Variants in EFCAB11 observed in about 807,000 individuals in gnomAD.
EFCAB11 encodes EF-hand calcium-binding domain-containing protein 11.
A neutral mutation model predicts 23.0 loss-of-function variants in EFCAB11; 14 were observed. That is an observed-to-expected ratio of 0.61 (90% CI 0.40 to 0.95). EFCAB11 has a LOEUF of 0.95. Among genes scored for constraint, EFCAB11 ranks in the 40% least tolerant of loss-of-function variants. EFCAB11 has a pLI of 0.00. For synonymous variants in EFCAB11, 65 were observed against 66.6 expected, an observed-to-expected ratio of 0.98 and a Z score of 0.11; for missense variants, 198 against 195.8, an observed-to-expected ratio of 1.01 and a Z score of -0.07.
intron 5 of EFCAB11, chr14:89,831,159 G>C (rs939705853): frequency 2.0e-5 from 3 of 152,424 alleles, no homozygotes; most frequent in African/African-American, 7.2e-5. Context: ...GAGATTTGTT[G>C]ACAGCTTGGA....
chr14:89,819,693 T>C (rs1886446959), intron 5 of EFCAB11, among the ~76,000 whole-genome samples: 1 of 152,160 alleles, frequency 6.6e-6, no homozygotes, highest in Non-Finnish European at 1.5e-5. Context: ...TGCCTTGATC[T>C]CCCAAAGTGC....
chr14:89,838,090 T>A (rs1035844142), intron 5 of EFCAB11, among the ~76,000 whole-genome samples: 1 of 152,150 alleles, frequency 6.6e-6, no homozygotes, highest in African/African-American at 2.4e-5. Flanking sequence ...AGAACCTTTA[T>A]AGGGCAAATC....
chr14:89,926,577 T>C (rs1398566722), intron 5 of EFCAB11, among the ~76,000 whole-genome samples: 2 of 151,984 alleles, frequency 1.3e-5, no homozygotes, highest in African/African-American at 2.4e-5. Flanking sequence ...CAAAGGAGAA[T>C]AGATATTGTT....
chr14:89,888,375 C>T (rs971651862), intron 5 of EFCAB11, among the ~76,000 whole-genome samples: 1 of 152,160 alleles, frequency 6.6e-6, no homozygotes, highest in African/African-American at 2.4e-5. Flanking sequence ...GTTTAGATGG[C>T]TTATGGTTCT....
intron 5 of EFCAB11, chr14:89,931,332 C>T: frequency 1.9e-6 from 1 of 528,716 alleles, no homozygotes; most frequent in Non-Finnish European, 3.3e-6. Context: ...TGTGCAAGCG[C>T]TCCCCCAACT....
chr14:89,897,777 C>A (rs1889213643), intron 5 of EFCAB11, among the ~76,000 whole-genome samples: 1 of 152,058 alleles, frequency 6.6e-6, no homozygotes, highest in African/African-American at 2.4e-5. Context: ...AGTATTACAC[C>A]ATAGTTTTAA....
At chr14:89,863,104 A>G (rs923491686) in intron 5 of EFCAB11, among the ~76,000 whole-genome samples, 2 of 151,948 alleles carry the variant, frequency 1.3e-5, no homozygotes, top group African/African-American at 4.8e-5. Context: ...TCACAGACTT[A>G]GTAGAAAAAA....
intron 5 of EFCAB11, among the ~76,000 whole-genome samples, chr14:89,919,554 A>G (rs1889959015): frequency 6.6e-6 from 1 of 152,206 alleles, no homozygotes; most frequent in East Asian, 1.9e-4. Context: ...TCCAGGATTC[A>G]TGTCTAGCCA....
intron 5 of EFCAB11, among the ~76,000 whole-genome samples, chr14:89,840,160 C>T (rs1887212546): frequency 6.6e-6 from 1 of 152,138 alleles, no homozygotes; most frequent in South Asian, 2.1e-4. Context: ...TCAAGTTTCT[C>T]AATATGAGAA....
At position 89,873,923 on chromosome 14, in the gene EFCAB11, T is replaced by C. The variant is rs573255249; in HGVS notation, c.410+57618A>G. On this transcript the variant is annotated intron_variant, in intron 5 of 5. Transcript: ENST00000316738. ...CAAGCTGTCAGTTGGTCTATCATTC[T>C]GGGGTCTGGAGGATGGTGGCCCTCT... 2.0e-4 allele frequency among the ~76,000 whole-genome samples: 30 copies of C among 152,346 alleles called. No homozygotes were observed. In the East Asian group the frequency reaches 5.8e-3, roughly 29 times the overall value.
intron 2 of EFCAB11, among the ~76,000 whole-genome samples, chr14:89,950,558 A>G (rs1891133013): frequency 6.6e-6 from 1 of 152,194 alleles, no homozygotes; most frequent in Admixed American, 6.5e-5. Flanking sequence ...AGAAAGCATG[A>G]AAAATACAAA....
chr14:89,954,610 G>T lies in EFCAB11; in HGVS notation c.51C>A (p.Pro17=). The change falls in exon 1 of 6, where the codon CCC becomes CCA. Residue 17 remains proline, a synonymous_variant. Transcript: ENST00000316738. ...RARSRTWEAS[P]SEHRKWVEVF... ...CTTCCACCCACTTCCTGTGTTCCGA[G>T]GGACTGGCTTCCCACGTCCGCGACC... 2 of 1,613,830 alleles carry T rather than the reference G, an allele frequency of 1.2e-6. No homozygotes were observed.
At chr14:89,815,645 C>G (rs567134852) in intron 5 of EFCAB11, among the ~76,000 whole-genome samples, 2 of 151,986 alleles carry the variant, frequency 1.3e-5, no homozygotes, top group African/African-American at 4.8e-5. Flanking sequence ...AGGATGGTCT[C>G]GAACTCCTGA....
chr14:89,836,788 G>A, intron 5 of EFCAB11: 1 of 406,612 alleles, frequency 2.5e-6, no homozygotes, highest in East Asian at 7.1e-5. Flanking sequence ...GGAGGCTGAG[G>A]TGGGCAGATC....
chr14:89,863,510 T>C (rs1453368580), intron 5 of EFCAB11, among the ~76,000 whole-genome samples: 1 of 152,228 alleles, frequency 6.6e-6, no homozygotes, highest in Admixed American at 6.5e-5. Context: ...CTCCCCCTTT[T>C]CTAAACTCAT....
intron 5 of EFCAB11, among the ~76,000 whole-genome samples, chr14:89,918,676 G>A (rs1166824263): frequency 1.3e-5 from 2 of 152,098 alleles, no homozygotes; most frequent in Non-Finnish European, 2.9e-5. Flanking sequence ...AAGCACAGTA[G>A]TGGGAAAGGT....
In EFCAB11 at chr14:89,795,541, C is replaced by T. The variant is rs1885549633; in HGVS notation, c.*1702G>A. ...AATTAGCCGGGTGTGGCGGTACACA[C>T]CTGTAAACCCAGATACTCAGGAGGC... On this transcript the variant is annotated 3_prime_UTR_variant, in exon 6 of 6. Coordinates refer to ENST00000316738, the MANE Select transcript of EFCAB11 (RefSeq NM_145231.4). 6.6e-6 allele frequency: 1 copy of T among 151,810 alleles called. No individual in the cohort carries two copies. The highest frequency in any genetic ancestry group is 2.4e-5 in the African/African-American group (1 of 41,344). The allele number at this position is 151,810 out of a possible 1,614,324, so 9.4% of individuals were successfully genotyped here.
At chr14:89,830,236 T>C (rs1315538871) in intron 5 of EFCAB11, 1 of 152,164 alleles carries the variant, frequency 6.6e-6, no homozygotes, top group Non-Finnish European at 1.5e-5. Context: ...TTTATCCACA[T>C]TGTGTTCAAA....
Position 89,810,314 on chromosome 14 carries a change from G to A in EFCAB11, c.411-12990C>T, listed in dbSNP as rs73324951. 3.8e-3 allele frequency among the ~76,000 whole-genome samples: 583 copies of A among 152,266 alleles called. 4 individuals are homozygous for A. Among genetic ancestry groups the A allele is most frequent in the African/African-American group, 0.013 (547 of 41,560 alleles). ...TGAAAATGTTGGCACTTTTCCTTCC[G>A]TCAGCATAAGAACATTTGGATCCTG... On this transcript the variant is annotated intron_variant, in intron 5 of 5. Transcript: ENST00000316738.
Sources: allele counts gnomAD v4.1 joint callset (sites outside exome capture counted in the v4.1 genomes callset), GRCh38; gene constraint gnomAD v4.1.1; transcripts MANE v1.5; gene names NCBI Gene and HGNC (gene_info 2026-07-23, HGNC 2026-07-21).